The following MPP7 variants were observed in gnomAD, a reference collection of about 807,000 sequenced individuals.
MPP7 encodes the protein MAGUK p55 scaffold protein 7.
Under a neutral mutation model 76.5 loss-of-function variants are expected in MPP7, and 60 were observed. The ratio of observed to expected loss-of-function variants is 0.78; its 90% CI spans 0.64 to 0.97. The LOEUF (loss-of-function observed/expected upper bound fraction) is 0.97, where lower values mean the gene tolerates loss of function less well. Ranked by LOEUF, MPP7 falls within the 50% of genes least tolerant of loss-of-function variation. The pLI, the probability that MPP7 is intolerant of heterozygous loss-of-function variation, is 0.00. For missense variants in MPP7, 641 were observed against 694.0 expected (o/e 0.92, Z 0.86); for synonymous variants, 237 against 244.5 (o/e 0.97, Z 0.29).
In MPP7 at chr10:28,105,656, C is replaced by T. The variant is rs183712259; in HGVS notation, c.952+13995G>A. On this transcript the variant is annotated intron_variant, in intron 11 of 16. Coordinates refer to ENST00000683449, the MANE Select transcript of MPP7 (RefSeq NM_001318170.2). ...CTGAGTAACTTGGATTACAGGTGTG[C>T]GCCACTATGCCCAGCTAATTTTTGT... Among the ~76,000 whole-genome samples, 147 of 152,208 alleles carry T rather than the reference C, an allele frequency of 9.7e-4. 1 individual carries two copies. Among genetic ancestry groups the T allele is most frequent in the Non-Finnish European group, 1.2e-3 (83 of 68,004 alleles).
At chr10:28,275,410 C>CTTTT (rs111692769) in intron 1 of MPP7, among the ~76,000 whole-genome samples, 18,988 of 141,478 alleles carry the variant, frequency 0.13, 1,403 homozygotes, top group African/African-American at 0.15. Flanking sequence ...CCTAATATTT[C>CTTTT]TTTTTTTTTT....
At chr10:28,178,609 T>C (rs1349673988) in intron 3 of MPP7, among the ~76,000 whole-genome samples, 3 of 152,038 alleles carry the variant, frequency 2.0e-5, no homozygotes, top group Non-Finnish European at 4.4e-5. Context: ...CAAGACCAGC[T>C]CTACCACCTA....
At chr10:28,289,841 CAG>C (rs1589032214) in intron 1 of MPP7, among the ~76,000 whole-genome samples, 1 of 152,316 alleles carries the variant, frequency 6.6e-6, no homozygotes, top group East Asian at 1.9e-4. Flanking sequence ...CTCTTTGAGA[CAG>C]AGTCTCATGC....
intron 1 of MPP7, among the ~76,000 whole-genome samples, chr10:28,330,903 C>T (rs952646041): frequency 7.9e-5 from 12 of 152,142 alleles, no homozygotes; most frequent in Admixed American, 2.0e-4. Flanking sequence ...TCAATTAATC[C>T]TCCTGCCTCA....
At chr10:28,179,390 A>C (rs575410383) in intron 3 of MPP7, among the ~76,000 whole-genome samples, 1 of 152,278 alleles carries the variant, frequency 6.6e-6, no homozygotes, top group South Asian at 2.1e-4. Flanking sequence ...CATATGGTTT[A>C]AGACCACCGT....
intron 5 of MPP7, 57 bp from the exon 6 acceptor site, chr10:28,131,748 G>C: frequency 1.2e-6 from 1 of 859,128 alleles, no homozygotes; most frequent in Non-Finnish European, 1.5e-6. Context: ...TATATTATAT[G>C]TAATATATAT....
rs1474851619 is a variant in MPP7, at chr10:28,051,589, A to C, written c.*2476T>G. The C allele has an allele frequency of 1.3e-5, 2 of 152,030 alleles. No individual in the cohort carries two copies. Among genetic ancestry groups the C allele is most frequent in the African/African-American group, 4.8e-5 (2 of 41,392 alleles). 9.4% of individuals were successfully genotyped at this position (152,030 alleles called of 1,614,324 possible). A position where few individuals can be genotyped will look rare whatever the true frequency, so the allele number is the denominator to read the frequency against. ...ACTTAGGGAGCTGGCTTCTGGAGGG[A>C]GGAGTGCTATTCTCCTTGCTGGAGA... is the stretch of plus-strand genomic sequence containing the variant. On this transcript the variant is annotated 3_prime_UTR_variant, in exon 17 of 17. Coordinates refer to ENST00000683449, the MANE Select transcript of MPP7 (RefSeq NM_001318170.2).
At chr10:28,205,350 C>G (rs937032424) in intron 2 of MPP7, among the ~76,000 whole-genome samples, 3 of 152,192 alleles carry the variant, frequency 2.0e-5, no homozygotes, top group African/African-American at 4.8e-5. Flanking sequence ...CTCCTATACT[C>G]AGTTCCTAAA....
At chr10:28,146,106 C>T (rs1835694365) in intron 5 of MPP7, among the ~76,000 whole-genome samples, 1 of 152,174 alleles carries the variant, frequency 6.6e-6, no homozygotes, top group Admixed American at 6.5e-5. Flanking sequence ...CTGGGTGATA[C>T]TAACTTCTCA....
intron 12 of MPP7, among the ~76,000 whole-genome samples, chr10:28,083,334 CT>C (rs1036981587): frequency 1.3e-5 from 2 of 152,152 alleles, no homozygotes; most frequent in African/African-American, 4.8e-5. Context: ...CCAGATCCCA[CT>C]GTACAGTGTC....
At chr10:28,294,826 C>A (rs1184381388) in intron 1 of MPP7, among the ~76,000 whole-genome samples, 1 of 152,212 alleles carries the variant, frequency 6.6e-6, no homozygotes, top group East Asian at 1.9e-4. Flanking sequence ...CTTACATTCA[C>A]AACAAAATAC....
intron 11 of MPP7, among the ~76,000 whole-genome samples, chr10:28,090,658 G>A (rs1345619280): frequency 1.3e-5 from 2 of 152,162 alleles, no homozygotes; most frequent in Non-Finnish European, 2.9e-5. Flanking sequence ...ACTAAATTAG[G>A]GAGTGTGTAG....
At chr10:28,107,271 G>A (rs574746565) in intron 11 of MPP7, among the ~76,000 whole-genome samples, 2 of 152,140 alleles carry the variant, frequency 1.3e-5, no homozygotes, top group South Asian at 2.1e-4. Context: ...CCTCTCTTGT[G>A]GGACTGGGTC....
At position 28,067,651 on chromosome 10, in the gene MPP7, A is replaced by G. The variant is rs1239955952; in HGVS notation, c.1204+2121T>C. 3.9e-5 allele frequency among the ~76,000 whole-genome samples: 6 copies of G among 152,328 alleles called. No individual in the cohort carries two copies. In the East Asian group the frequency reaches 1.2e-3, roughly 29 times the overall value. ...CAACTTCAGAGGCAAACATTTAAAC[A>G]GCTGGGTAAATTGAGGCTAAAGTAT... On this transcript the variant is annotated intron_variant, in intron 13 of 16. Transcript: ENST00000683449.
intron 6 of MPP7, among the ~76,000 whole-genome samples, chr10:28,128,581 T>A (rs1835091995): frequency 6.6e-6 from 1 of 152,120 alleles, no homozygotes. Flanking sequence ...AGATTGCCTA[T>A]GGAATGCAAA....
intron 2 of MPP7, among the ~76,000 whole-genome samples, chr10:28,222,858 A>C (rs1428791562): frequency 6.6e-6 from 1 of 151,114 alleles, no homozygotes; most frequent in Non-Finnish European, 1.5e-5. Flanking sequence ...TCTCAAAAAA[A>C]AAAAAAACCT....
chr10:28,240,072 C>A (rs755363651), intron 1 of MPP7, among the ~76,000 whole-genome samples: 5 of 151,874 alleles, frequency 3.3e-5, no homozygotes, highest in Non-Finnish European at 7.4e-5. Context: ...TTTGGATCAC[C>A]CCTGGCTAAT....
intron 12 of MPP7, among the ~76,000 whole-genome samples, chr10:28,082,534 G>A (rs1344284218): frequency 1.3e-5 from 2 of 152,016 alleles, no homozygotes; most frequent in Non-Finnish European, 2.9e-5. Context: ...ACAGCTCTCT[G>A]TAATCTCTAA....
At chr10:28,083,593 A>C (rs1852867801) in intron 12 of MPP7, among the ~76,000 whole-genome samples, 1 of 129,674 alleles carries the variant, frequency 7.7e-6, no homozygotes, top group Non-Finnish European at 1.5e-5. Flanking sequence ...GCTGAAGTGC[A>C]CTGGCATGAT....
Sources: gnomAD v4.1 joint callset for allele counts (sites outside exome capture counted in the v4.1 genomes callset) on GRCh38, gnomAD v4.1.1 for gene constraint, MANE v1.5 for transcripts, NCBI Gene and HGNC (gene_info 2026-07-23, HGNC 2026-07-21) for gene names.